Variants in ROS1 observed in about 807,000 individuals in gnomAD.
ROS1 encodes the protein proto-oncogene tyrosine-protein kinase ROS.
In ROS1, 263 loss-of-function variants were observed where a neutral mutation model predicts 273.5. The ratio of observed to expected loss-of-function variants is 0.96; its 90% confidence interval spans 0.87 to 1.06. The LOEUF (loss-of-function observed/expected upper bound fraction) is 1.06, where lower values mean the gene tolerates loss of function less well. Ranked by LOEUF, ROS1 falls within the 50% of genes least tolerant of loss-of-function variation. The pLI, the probability that ROS1 is intolerant of heterozygous loss-of-function variation, is 0.00. For synonymous variants in ROS1, 1,008 were observed against 954.1 expected, an observed-to-expected ratio of 1.06 and a Z score of -1.04; for missense variants, 2,833 against 2,751.1, an observed-to-expected ratio of 1.03 and a Z score of -0.67.
At chr6:117,396,823 C>T (rs1562362280) in intron 8 of ROS1, 92 bp downstream of exon 8, 1 of 956,048 alleles carries the variant, frequency 1.0e-6, no homozygotes. Context: ...TCTCAAAGCA[C>T]ATTTAAACTA....
At chr6:117,393,993 C>T (rs1335721087) in intron 11 of ROS1, among the ~76,000 whole-genome samples, 169 bp downstream of exon 11, 1 of 152,144 alleles carries the variant, frequency 6.6e-6, no homozygotes, top group Non-Finnish European at 1.5e-5. Context: ...GTAAAGGCTA[C>T]ACCCTCCTAT....
chr6:117,382,982 A>G (rs1772274521), intron 17 of ROS1, among the ~76,000 whole-genome samples: 1 of 152,170 alleles, frequency 6.6e-6, no homozygotes, highest in Admixed American at 6.5e-5. Context: ...AAGCTTCTAA[A>G]ATATTCAACA....
chr6:117,312,191 T>C (rs1775596168), intron 39 of ROS1, among the ~76,000 whole-genome samples: 1 of 152,148 alleles, frequency 6.6e-6, no homozygotes, highest in African/African-American at 2.4e-5. Context: ...ATTCCTGCTA[T>C]CATTTTTTCT....
chr6:117,408,323 G>A (rs963197928), intron 5 of ROS1, among the ~76,000 whole-genome samples: 1 of 152,028 alleles, frequency 6.6e-6, no homozygotes, highest in African/African-American at 2.4e-5. Flanking sequence ...ATCTGACAAA[G>A]GGCTAATATC....
At chr6:117,299,938 T>TC (rs1774557046) in intron 43 of ROS1, among the ~76,000 whole-genome samples, 1 of 150,824 alleles carries the variant, frequency 6.6e-6, no homozygotes, top group African/African-American at 2.4e-5. Flanking sequence ...TTTTTTTTTT[T>TC]TTGAGATGGA....
chr6:117,420,593 T>C (rs983686915), intron 1 of ROS1, among the ~76,000 whole-genome samples: 22 of 147,812 alleles, frequency 1.5e-4, no homozygotes, highest in African/African-American at 4.0e-4. Context: ...TAATAAAATT[T>C]TAAATAATAA....
intron 36 of ROS1, 158 bp downstream of exon 36, chr6:117,321,101 G>A (rs1031311941): frequency 8.6e-6 from 6 of 698,326 alleles, no homozygotes; most frequent in Non-Finnish European, 1.1e-5. Flanking sequence ...TCCATCCCAG[G>A]TCACATTTGA....
Position 117,379,128 on chromosome 6 carries a change from C to G in ROS1, c.2513G>C (p.Gly838Ala). The part of the protein sequence containing the change: ...VIALTLDLSD[G>A]LLYWLVQDSQ... ...GTCTTGAACCAACCAATACAGGAGC[C>G]CATCACTGAGGTCTAAAGTTAGAGC... The change falls in exon 18 of 44, where the codon GGG becomes GCG. Residue 838 changes from glycine to alanine, a missense_variant. Transcript: ENST00000368507. The G allele has an allele frequency of 6.2e-7, 1 of 1,612,824 alleles. No individual in the cohort carries two copies.
chr6:117,397,998 A>G (rs536619083), intron 7 of ROS1, among the ~76,000 whole-genome samples: 14 of 152,268 alleles, frequency 9.2e-5, no homozygotes, highest in African/African-American at 3.4e-4. Flanking sequence ...AGCCCTTTTA[A>G]TTGCTCTCTC....
intron 18 of ROS1, among the ~76,000 whole-genome samples, chr6:117,369,596 T>G (rs1399210836): frequency 6.6e-6 from 1 of 152,030 alleles, no homozygotes; most frequent in Non-Finnish European, 1.5e-5. Flanking sequence ...ACCAGCTCTC[T>G]GGCATATACA....
Position 117,333,118 on chromosome 6 carries a change from A to G in ROS1, c.5231-3672T>C, listed in dbSNP as rs73566808. Reference sequence around the variant, plus strand: ...ATACCACTAGCTAGAGAAATAAAGAAGGAGACAGAGAAGAATCAAATAGAC... The same window carrying G: ...ATACCACTAGCTAGAGAAATAAAGAGGGAGACAGAGAAGAATCAAATAGAC... On this transcript the variant is annotated intron_variant, in intron 32 of 43. Transcript: ENST00000368507. 3.3e-3 allele frequency among the ~76,000 whole-genome samples: 503 copies of G among 152,212 alleles called. 3 individuals are homozygous for G. Among genetic ancestry groups the G allele is most frequent in the African/African-American group, 0.011 (443 of 41,538 alleles).
chr6:117,340,998 T>C, intron 31 of ROS1, 137 bp downstream of exon 31: 1 of 620,112 alleles, frequency 1.6e-6, no homozygotes, highest in Non-Finnish European at 2.7e-6. Flanking sequence ...AACTCACTGC[T>C]TCTGCATGCC....
intron 27 of ROS1, among the ~76,000 whole-genome samples, chr6:117,351,041 C>T (rs1582703716): frequency 6.6e-6 from 1 of 152,004 alleles, no homozygotes; most frequent in Non-Finnish European, 1.5e-5. Context: ...TTTAGTATGC[C>T]TTGTAATTTT....
At chr6:117,388,193 G>A (rs1433833236) in intron 13 of ROS1, among the ~76,000 whole-genome samples, 2 of 152,176 alleles carry the variant, frequency 1.3e-5, no homozygotes, top group African/African-American at 4.8e-5. Flanking sequence ...TCATTTGGCT[G>A]CATTGAAGGA....
chr6:117,387,689 T>G, intron 14 of ROS1, 91 bp downstream of exon 14: 1 of 1,365,656 alleles, frequency 7.3e-7, no homozygotes, highest in Non-Finnish European at 1.0e-6. Context: ...TCATTCTCAT[T>G]TCTTTAAACC....
At chr6:117,420,590 A>G (rs1775676577) in intron 1 of ROS1, among the ~76,000 whole-genome samples, 1 of 148,594 alleles carries the variant, frequency 6.7e-6, no homozygotes. Context: ...TAATAATAAA[A>G]TTTTAAATAA....
intron 2 of ROS1, among the ~76,000 whole-genome samples, chr6:117,416,879 C>T (rs765278806): frequency 1.3e-5 from 2 of 152,112 alleles, no homozygotes; most frequent in Non-Finnish European, 2.9e-5. Context: ...TTACTTAATT[C>T]ATCTGTACCT....
chr6:117,334,468 C>T (rs1777320519), intron 32 of ROS1, among the ~76,000 whole-genome samples: 1 of 152,170 alleles, frequency 6.6e-6, no homozygotes, highest in Non-Finnish European at 1.5e-5. Flanking sequence ...CTACCGTTGA[C>T]ATTCTTCATA....
intron 18 of ROS1, among the ~76,000 whole-genome samples, chr6:117,367,302 A>AG (rs150954703): frequency 0.076 from 11,581 of 152,282 alleles, 542 homozygotes; most frequent in Non-Finnish European, 0.097. Flanking sequence ...TTTGAAAAAA[A>AG]GACACACCCA....
Sources: gnomAD v4.1 joint callset for allele counts (sites outside exome capture counted in the v4.1 genomes callset) on GRCh38, gnomAD v4.1.1 for gene constraint, MANE v1.5 for transcripts, NCBI Gene and HGNC (gene_info 2026-07-23, HGNC 2026-07-21) for gene names.